The following SDK1 variants were observed in gnomAD, a reference collection of about 807,000 sequenced individuals.
SDK1 encodes the protein protein sidekick-1.
SDK1 carries 157 observed loss-of-function variants against 245.5 expected under a neutral mutation model. The ratio of observed to expected loss-of-function variants is 0.64; its 90% confidence interval spans 0.56 to 0.73. The LOEUF (loss-of-function observed/expected upper bound fraction) is 0.73, where lower values mean the gene tolerates loss of function less well. Ranked by LOEUF, SDK1 falls within the 30% of genes least tolerant of loss-of-function variation. SDK1 has a pLI of 0.00. For synonymous variants in SDK1, 1,647 were observed against 1,278.5 expected (o/e 1.29, Z -6.15); for missense variants, 3,583 against 3,002.3 (o/e 1.19, Z -4.52).
Position 4,206,417 on chromosome 7 carries a change from T to C in SDK1, c.5214+423T>C, listed in dbSNP as rs374930628. On this transcript the variant is annotated intron_variant, in intron 36 of 44. Coordinates refer to ENST00000404826, the MANE Select transcript of SDK1 (RefSeq NM_152744.4). ...TCCCAGCTCCCCCCTTGGTCACAGTTGGACACTGAGTGAGTCCCTTGATTC... is the reference window on the plus strand; with the variant it reads ...TCCCAGCTCCCCCCTTGGTCACAGTCGGACACTGAGTGAGTCCCTTGATTC... 1.1e-4 allele frequency among the ~76,000 whole-genome samples: 16 copies of C among 152,208 alleles called. No individual in the cohort carries two copies. In the East Asian group the frequency reaches 2.7e-3, roughly 26 times the overall value.
chr7:3,800,078 G>C (rs958216535), intron 4 of SDK1, among the ~76,000 whole-genome samples: 7 of 152,062 alleles, frequency 4.6e-5, no homozygotes, highest in African/African-American at 1.7e-4. Context: ...ATTGTAGCAG[G>C]GTTGTGGGTT....
intron 1 of SDK1, among the ~76,000 whole-genome samples, chr7:3,497,159 ACT>A (rs1376931365): frequency 6.6e-6 from 1 of 151,970 alleles, no homozygotes; most frequent in Non-Finnish European, 1.5e-5. Flanking sequence ...AAAAAGAGAA[ACT>A]CTTTTTAGTT....
At position 4,204,147 on chromosome 7, in the gene SDK1, C is replaced by A. The variant is rs750868551; in HGVS notation, c.5099-1732C>A. 8.5e-5 allele frequency among the ~76,000 whole-genome samples: 13 copies of A among 152,376 alleles called. No homozygotes were observed. In the Middle Eastern group the frequency reaches 0.017, roughly 199 times the overall value. On this transcript the variant is annotated intron_variant, in intron 35 of 44. Coordinates refer to ENST00000404826, the MANE Select transcript of SDK1 (RefSeq NM_152744.4). ...TCACCGACTACCAGGGTAATGGCCGCGCTCAATTTTGCCTTTCACATTTTA... is the reference window on the plus strand; with the variant it reads ...TCACCGACTACCAGGGTAATGGCCGAGCTCAATTTTGCCTTTCACATTTTA...
chr7:4,193,392 ATAT>A (rs1562414317), intron 35 of SDK1, among the ~76,000 whole-genome samples: 6 of 138,176 alleles, frequency 4.3e-5, no homozygotes, highest in South Asian at 2.2e-4. Flanking sequence ...ATATATATAT[ATAT>A]ATAAAGGGGA....
chr7:3,413,838 T>C (rs917563342), intron 1 of SDK1, among the ~76,000 whole-genome samples: 4 of 152,116 alleles, frequency 2.6e-5, no homozygotes, highest in African/African-American at 7.2e-5. Flanking sequence ...AAAATTAAAA[T>C]ATCAGCCAGA....
intron 28 of SDK1, among the ~76,000 whole-genome samples, chr7:4,137,772 T>C (rs1248110684): frequency 6.6e-6 from 1 of 152,222 alleles, no homozygotes; most frequent in Non-Finnish European, 1.5e-5. Context: ...CTTGCGTCGC[T>C]GAAGTGCAGC....
rs889322478 is a variant in SDK1 at position 4,080,347 on chromosome 7, A to G, written c.3324+763A>G. Among the ~76,000 whole-genome samples, 5 of 152,184 alleles carry G rather than the reference A, an allele frequency of 3.3e-5. No individual in the cohort carries two copies. In the East Asian group the frequency reaches 5.8e-4, roughly 18 times the overall value. Reference sequence around the variant, plus strand: ...ATGCTGGCATTGGTGAAGCCGTGCAATCTGCCACTTCCATGTTCCAATAAA... The same window carrying G: ...ATGCTGGCATTGGTGAAGCCGTGCAGTCTGCCACTTCCATGTTCCAATAAA... On this transcript the variant is annotated intron_variant, in intron 22 of 44. Transcript: ENST00000404826.
chr7:3,920,822 C>A (rs1200329100), intron 5 of SDK1, among the ~76,000 whole-genome samples: 2 of 152,154 alleles, frequency 1.3e-5, no homozygotes, highest in African/African-American at 4.8e-5. Context: ...CATAAAGTGA[C>A]TGCTCGGAGG....
At chr7:3,923,609 G>A (rs1320656375) in intron 5 of SDK1, among the ~76,000 whole-genome samples, 1 of 152,238 alleles carries the variant, frequency 6.6e-6, no homozygotes, top group African/African-American at 2.4e-5. Context: ...GGGAATGTGT[G>A]TCTTCACAAG....
intron 1 of SDK1, among the ~76,000 whole-genome samples, chr7:3,397,042 C>T (rs925301931): frequency 6.6e-6 from 1 of 151,306 alleles, no homozygotes; most frequent in African/African-American, 2.4e-5. Flanking sequence ...AGTGGTTATC[C>T]TGGGGATCAT....
chr7:4,265,269 C>G lies in SDK1; in HGVS notation c.6527C>G (p.Ser2176Cys). Residue 2176 changes from serine (S) to cysteine (C), a missense_variant, in exon 45 of 45, where the codon TCC becomes TGC. Ser to Cys is a moderately radical substitution (Grantham distance 112). Transcript: ENST00000404826. ...CACAGGTACGAGGCGGTGGCGGGCT[C>G]CGAGGCGGGCGCGCAGCTGCACCCG... ...APHRYEAVAGSEAGAQLHPVI... is the reference protein window; with the variant it reads ...APHRYEAVAGCEAGAQLHPVI... 1 of 1,593,856 alleles carries G rather than the reference C, an allele frequency of 6.3e-7. No individual in the cohort carries two copies. Among genetic ancestry groups the G allele is most frequent in the Non-Finnish European group, 8.5e-7 (1 of 1,175,412 alleles).
At chr7:3,368,591 CAG>C (rs1781148180) in intron 1 of SDK1, among the ~76,000 whole-genome samples, 1 of 152,160 alleles carries the variant, frequency 6.6e-6, no homozygotes, top group Non-Finnish European at 1.5e-5. Context: ...AGGACAGTAA[CAG>C]AGGAGACCCA....
At chr7:4,216,817 C>T (rs1299703734) in intron 38 of SDK1, among the ~76,000 whole-genome samples, 1 of 152,172 alleles carries the variant, frequency 6.6e-6, no homozygotes, top group East Asian at 1.9e-4. Context: ...CAGCATTTAC[C>T]CGGTATGGGC....
At chr7:3,619,788 C>G (rs1562607468) in intron 2 of SDK1, among the ~76,000 whole-genome samples, 1 of 152,160 alleles carries the variant, frequency 6.6e-6, no homozygotes, top group Non-Finnish European at 1.5e-5. Flanking sequence ...GTGCCAGTCA[C>G]CAGGGATCTG....
chr7:4,169,508 A>G (rs550004678), intron 32 of SDK1, among the ~76,000 whole-genome samples: 1 of 152,170 alleles, frequency 6.6e-6, no homozygotes, highest in African/African-American at 2.4e-5. Context: ...CTCAAACGCC[A>G]TTCCCTGCAG....
At position 4,197,784 on chromosome 7, in the gene SDK1, C is replaced by T. The variant is rs557710299; in HGVS notation, c.5099-8095C>T. On this transcript the variant is annotated intron_variant, in intron 35 of 44. Coordinates refer to ENST00000404826, the MANE Select transcript of SDK1 (RefSeq NM_152744.4). ...GAGATCACTTGCTGTCTGGCGCAGGCGCTCCTGACCTTCAGATGTGGGAGG... is the reference window on the plus strand; with the variant it reads ...GAGATCACTTGCTGTCTGGCGCAGGTGCTCCTGACCTTCAGATGTGGGAGG... Among the ~76,000 whole-genome samples the T allele has an allele frequency of 7.2e-5, 11 of 152,320 alleles. No individual in the cohort carries two copies. In the South Asian group the frequency reaches 1.0e-3, roughly 14 times the overall value.
rs543398863 is a variant in SDK1 at position 3,513,880 on chromosome 7, G to C, written c.299-105200G>C. ...CTCTCATTTATACGTAAGGATATGT[G>C]GTATTTGTTTTTCTGTTCTTGCATT... On this transcript the variant is annotated intron_variant, in intron 1 of 44. Coordinates refer to ENST00000404826, the MANE Select transcript of SDK1 (RefSeq NM_152744.4). Among the ~76,000 whole-genome samples the C allele has an allele frequency of 1.5e-4, 23 of 152,214 alleles. No homozygotes were observed. In the East Asian group the frequency reaches 4.3e-3, roughly 28 times the overall value.
At chr7:3,760,869 C>T (rs982915138) in intron 4 of SDK1, among the ~76,000 whole-genome samples, 9 of 152,288 alleles carry the variant, frequency 5.9e-5, no homozygotes, top group African/African-American at 2.2e-4. Context: ...TTGTGTGAAT[C>T]AACAGTTCAT....
intron 1 of SDK1, among the ~76,000 whole-genome samples, chr7:3,461,942 C>T (rs887215752): frequency 5.3e-5 from 8 of 152,140 alleles, no homozygotes; most frequent in Non-Finnish European, 1.0e-4. Flanking sequence ...TCAGTTTCAT[C>T]GGCATTTAAG....
Sources: gnomAD v4.1 joint callset for allele counts (sites outside exome capture counted in the v4.1 genomes callset) on GRCh38, gnomAD v4.1.1 for gene constraint, MANE v1.5 for transcripts, NCBI Gene and HGNC (gene_info 2026-07-23, HGNC 2026-07-21) for gene names.